Variants in ANKRD55 observed in about 807,000 individuals in gnomAD.
The protein encoded by ANKRD55 is ankyrin repeat domain 55.
ANKRD55 carries 41 observed loss-of-function variants against 60.6 expected under a neutral mutation model. That is an observed-to-expected ratio of 0.68 (90% confidence interval 0.53 to 0.88). The LOEUF is 0.88. Ranked by LOEUF, ANKRD55 falls within the 40% of genes least tolerant of loss-of-function variation. ANKRD55 has a pLI of 0.00. For missense variants in ANKRD55, 732 were observed against 767.6 expected, an observed-to-expected ratio of 0.95 and a Z score of 0.55; for synonymous variants, 264 against 290.3, an observed-to-expected ratio of 0.91 and a Z score of 0.92.
intron 2 of ANKRD55, among the ~76,000 whole-genome samples, chr5:56,218,775 C>T (rs893881450): frequency 4.6e-5 from 7 of 151,950 alleles, no homozygotes; most frequent in Non-Finnish European, 8.8e-5. Flanking sequence ...ACAAAAAGCA[C>T]ACACACATGT....
rs528920348 is a variant in ANKRD55, at chr5:56,109,086, C to T, written c.1630+2032G>A. On this transcript the variant is annotated intron_variant, in intron 10 of 11. Coordinates refer to ENST00000341048, the MANE Select transcript of ANKRD55 (RefSeq NM_024669.3). Reference sequence around the variant, plus strand: ...ACACACACACACACACACACCCCACCGCCCAACAAAAACCCCCATTGCTGT... The same window carrying T: ...ACACACACACACACACACACCCCACTGCCCAACAAAAACCCCCATTGCTGT... Among the ~76,000 whole-genome samples the T allele has an allele frequency of 5.5e-4, 83 of 151,382 alleles. 1 individual carries two copies. The East Asian group carries it at 0.015, about 28-fold the overall frequency.
intron 7 of ANKRD55, chr5:56,127,363 C>T (rs1444034538): frequency 8.1e-6 from 8 of 984,882 alleles, no homozygotes; most frequent in African/African-American, 1.8e-5. Flanking sequence ...AACTAGTGAA[C>T]GAAGGATGGA....
At chr5:56,163,989 G>A (rs1265736755) in intron 5 of ANKRD55, among the ~76,000 whole-genome samples, 1 of 152,134 alleles carries the variant, frequency 6.6e-6, no homozygotes, top group Admixed American at 6.5e-5. Flanking sequence ...CTACTAGGGA[G>A]GCTGAGGTCG....
chr5:56,101,339 T>G (rs776521927), intron 11 of ANKRD55, among the ~76,000 whole-genome samples: 1 of 152,132 alleles, frequency 6.6e-6, no homozygotes, highest in African/African-American at 2.4e-5. Flanking sequence ...GAGAAACTTA[T>G]CTGAAATAGG....
chr5:56,206,358 G>A (rs554495635), intron 2 of ANKRD55, among the ~76,000 whole-genome samples: 21 of 152,044 alleles, frequency 1.4e-4, no homozygotes, highest in Non-Finnish European at 2.4e-4. Context: ...TATGCTTTCC[G>A]TACAGTCATA....
intron 6 of ANKRD55, among the ~76,000 whole-genome samples, chr5:56,152,701 G>T (rs182936575): frequency 3.3e-5 from 5 of 152,096 alleles, no homozygotes; most frequent in African/African-American, 1.2e-4. Flanking sequence ...AGTGTTAACC[G>T]CAGTGTGGAT....
chr5:56,186,095 G>A (rs1758966965), intron 2 of ANKRD55, among the ~76,000 whole-genome samples: 1 of 152,210 alleles, frequency 6.6e-6, no homozygotes, highest in Non-Finnish European at 1.5e-5. Flanking sequence ...GACAACCTCA[G>A]TATCAGCTTG....
intron 7 of ANKRD55, among the ~76,000 whole-genome samples, chr5:56,132,386 C>T (rs1757443853): frequency 6.7e-6 from 1 of 149,092 alleles, no homozygotes; most frequent in Admixed American, 6.7e-5. Context: ...CGAGACCATC[C>T]TGGCTAACAC....
At chr5:56,124,106 TAC>T in intron 8 of ANKRD55, among the ~76,000 whole-genome samples, 1 of 152,226 alleles carries the variant, frequency 6.6e-6, no homozygotes, top group East Asian at 1.9e-4. Flanking sequence ...TTCCCAGAAA[TAC>T]ACAGAGAGCA....
intron 7 of ANKRD55, among the ~76,000 whole-genome samples, chr5:56,142,050 C>T (rs1757784346): frequency 6.6e-6 from 1 of 152,156 alleles, no homozygotes; most frequent in Admixed American, 6.6e-5. Flanking sequence ...GGATTCCCGG[C>T]TGGGTGCAGT....
intron 9 of ANKRD55, 145 bp downstream of exon 9, chr5:56,116,470 G>T: frequency 1.5e-6 from 1 of 673,350 alleles, no homozygotes; most frequent in Non-Finnish European, 2.1e-6. Flanking sequence ...ATCATTTAAT[G>T]TCTTTAATAC....
intron 7 of ANKRD55, among the ~76,000 whole-genome samples, chr5:56,139,201 CAG>C (rs1223860571): frequency 5.9e-5 from 9 of 152,154 alleles, no homozygotes; most frequent in African/African-American, 2.2e-4. Flanking sequence ...TTTTTTTCCA[CAG>C]AGAGAAAGAA....
chr5:56,217,470 T>C (rs1053517330), intron 2 of ANKRD55, among the ~76,000 whole-genome samples: 1 of 152,224 alleles, frequency 6.6e-6, no homozygotes, highest in Non-Finnish European at 1.5e-5. Flanking sequence ...TGCAAGGCTA[T>C]AGCCTCCATA....
rs759612470 is a variant in ANKRD55, at chr5:56,170,768, G to A, written c.348C>T (p.Asn116=). 4.3e-6 allele frequency: 7 copies of A among 1,614,070 alleles called. No individual in the cohort carries two copies. Among genetic ancestry groups the A allele is most frequent in the East Asian group, 2.2e-5 (1 of 44,882 alleles). ...WLEGCVSLLR[N]GAKHNIPDKN... The stretch of plus-strand genomic sequence containing the variant: ...TATCTGGGATATTGTGCTTGGCACC[G>A]TTTCTGAGTAGACTCACACAGCCTT... The change falls in exon 5 of 12, where the codon AAC becomes AAT. Residue 116 remains asparagine (N), a synonymous_variant. Transcript: ENST00000341048.
chr5:56,192,778 A>T (rs1430434191), intron 2 of ANKRD55: 42 of 1,026,960 alleles, frequency 4.1e-5, no homozygotes, highest in Non-Finnish European at 4.2e-5. Flanking sequence ...ATGAGAACAC[A>T]GACATCGCTG....
intron 8 of ANKRD55, among the ~76,000 whole-genome samples, chr5:56,125,465 A>G: frequency 6.6e-6 from 1 of 151,806 alleles, no homozygotes; most frequent in African/African-American, 2.4e-5. Flanking sequence ...ATTTTCAGTA[A>G]AGATGGGTTT....
At chr5:56,144,239 G>T (rs1757844206) in intron 6 of ANKRD55, among the ~76,000 whole-genome samples, 1 of 152,230 alleles carries the variant, frequency 6.6e-6, no homozygotes, top group African/African-American at 2.4e-5. Context: ...CAATCTTCCA[G>T]ATTGATAAAT....
Position 56,111,427 on chromosome 5 carries a change from T to C in ANKRD55, c.1321A>G (p.Thr441Ala), listed in dbSNP as rs1331991712. 6.2e-7 allele frequency: 1 copy of C among 1,614,036 alleles called. No individual in the cohort carries two copies. Among genetic ancestry groups the C allele is most frequent in the Non-Finnish European group, 8.5e-7 (1 of 1,180,018 alleles). ...PIRTQSLPPI[T>A]LGNNFLTASH... ...GCTGTTAGGAAGTTATTGCCCAGGGTGATGGGTGGGAGACTCTGCGTTCTG... is the reference window on the plus strand; with the variant it reads ...GCTGTTAGGAAGTTATTGCCCAGGGCGATGGGTGGGAGACTCTGCGTTCTG... The change falls in exon 10 of 12, where the codon ACC becomes GCC. Residue 441 changes from threonine to alanine, a missense_variant. Around this residue, in one of 3 missense-constraint regions of ANKRD55, gnomAD observed 597 missense variants for 607.5 expected, o/e 0.98. Transcript: ENST00000341048.
At chr5:56,129,358 C>T (rs1467922302) in intron 7 of ANKRD55, among the ~76,000 whole-genome samples, 1 of 152,216 alleles carries the variant, frequency 6.6e-6, no homozygotes, top group Non-Finnish European at 1.5e-5. Flanking sequence ...GAATTCTACA[C>T]TGAGCTGCCA....
Sources: allele counts gnomAD v4.1 joint callset (sites outside exome capture counted in the v4.1 genomes callset), GRCh38; gene constraint gnomAD v4.1.1; regional missense constraint gnomAD v4.1.1; transcripts MANE v1.5; gene names NCBI Gene and HGNC (gene_info 2026-07-23, HGNC 2026-07-21).